Variants in SLC13A2 observed in about 807,000 individuals in gnomAD.
The protein encoded by SLC13A2 is Na(+)-coupled citrate transporter.
SLC13A2 carries 40 observed loss-of-function variants against 58.5 expected under a neutral mutation model. That is an observed-to-expected ratio of 0.68 (90% CI 0.53 to 0.89). SLC13A2 has a LOEUF of 0.89. SLC13A2 is among the 40% of genes least tolerant of loss of function. The pLI is 0.00. For synonymous variants in SLC13A2, 341 were observed against 331.6 expected (o/e 1.03, Z -0.31); for missense variants, 694 against 772.6 (o/e 0.90, Z 1.21).
In SLC13A2 at chr17:28,493,763, G is replaced by C; in HGVS notation, c.1071G>C (p.Leu357Phe). 6.2e-7 allele frequency: 1 copy of C among 1,614,198 alleles called. No homozygotes were observed. ...EPGFFLGWGN[L>F]AFPNAKGESM... ...GCTTTTTTCTTGGCTGGGGCAATTT[G>C]GCTTTTCCCAATGCCAAGGGGGAGA... is the stretch of plus-strand genomic sequence containing the variant. The change falls in exon 7 of 12, where the codon TTG (leucine) becomes TTC (phenylalanine). Residue 357 changes from leucine (L) to phenylalanine (F), a missense_variant. Transcript: ENST00000314669.
At chr17:28,474,055 C>A (rs1322532762) in intron 1 of SLC13A2, among the ~76,000 whole-genome samples, 2 of 152,124 alleles carry the variant, frequency 1.3e-5, no homozygotes, top group Non-Finnish European at 2.9e-5. Flanking sequence ...ACCTACTGCC[C>A]TAGGAAACAG....
chr17:28,482,234 G>GT (rs2068798650), intron 1 of SLC13A2, among the ~76,000 whole-genome samples: 1 of 151,296 alleles, frequency 6.6e-6, no homozygotes, highest in Non-Finnish European at 1.5e-5. Context: ...AGTACTTTTA[G>GT]TAGAGACAGT....
Position 28,493,909 on chromosome 17 carries a change from C to T in SLC13A2, c.1098-108C>T, listed in dbSNP as rs782013037. 4.8e-6 allele frequency: 7 copies of T among 1,467,638 alleles called. 1 individual carries two copies. In the South Asian group the frequency reaches 8.3e-5, roughly 17 times the overall value. The allele number at this position is 1,467,638 out of a possible 1,614,324, so 90.9% of individuals were successfully genotyped here. On this transcript the variant is annotated intron_variant, in intron 7 of 11. Transcript: ENST00000314669. ...TAACACTTGGTGGGGGATGAAGGTT[C>T]CCCAGGCTTGTCTATGGGAGAGGCT...
chr17:28,488,409 A>G (rs1404490847), intron 1 of SLC13A2, among the ~76,000 whole-genome samples: 1 of 152,110 alleles, frequency 6.6e-6, no homozygotes, highest in African/African-American at 2.4e-5. Context: ...CTCCTGGCTA[A>G]TGATTCCCCA....
chr17:28,491,918 G>A, intron 6 of SLC13A2, 66 bp downstream of exon 6: 2 of 1,563,538 alleles, frequency 1.3e-6, no homozygotes, highest in Non-Finnish European at 1.7e-6. Context: ...TTCCAGTTGG[G>A]TGCAGATGTG....
intron 2 of SLC13A2, 45 bp from the exon 3 acceptor site, chr17:28,490,409 G>A: frequency 6.2e-7 from 1 of 1,614,078 alleles, no homozygotes; most frequent in Non-Finnish European, 8.5e-7. Flanking sequence ...CACCGTGGGA[G>A]ACTCCAGGGT....
chr17:28,494,274 G>C lies in SLC13A2; in HGVS notation c.1187-117G>C. On this transcript the variant is annotated intron_variant, in intron 8 of 11. Coordinates refer to ENST00000314669, the MANE Select transcript of SLC13A2 (RefSeq NM_003984.4). The surrounding 1 kb of genome is among the most constrained non-coding windows in gnomAD (Gnocchi z 4.0). ...CAAAGTTGAGATGTTGCAGAACTGAGGGTCCCCTCCTGCACGCGTTAAGCT... is the reference window on the plus strand; with the variant it reads ...CAAAGTTGAGATGTTGCAGAACTGACGGTCCCCTCCTGCACGCGTTAAGCT... 1 of 1,571,244 alleles carries C rather than the reference G, an allele frequency of 6.4e-7. No homozygotes were observed. The highest frequency in any genetic ancestry group is 8.7e-7 in the Non-Finnish European group (1 of 1,144,006).
chr17:28,474,508 A>G (rs2068638806), intron 1 of SLC13A2, among the ~76,000 whole-genome samples: 2 of 152,204 alleles, frequency 1.3e-5, no homozygotes, highest in African/African-American at 2.4e-5. Context: ...CTAGGCACCC[A>G]GTAACCTTTT....
chr17:28,493,158 A>G (rs2069061828), intron 6 of SLC13A2, among the ~76,000 whole-genome samples: 1 of 152,168 alleles, frequency 6.6e-6, no homozygotes, highest in East Asian at 1.9e-4. Context: ...GCCTCTGAGG[A>G]CAATGCAGGT....
At chr17:28,488,938 T>C (rs2068944813) in intron 1 of SLC13A2, among the ~76,000 whole-genome samples, 1 of 152,230 alleles carries the variant, frequency 6.6e-6, no homozygotes, top group Admixed American at 6.5e-5. Context: ...CCCACTGGGC[T>C]GGATGGGGAC....
In SLC13A2 at chr17:28,490,280, G is replaced by C. The variant is rs782152989; in HGVS notation, c.232-174G>C. The C allele has an allele frequency of 1.1e-5, 17 of 1,568,776 alleles. No homozygotes were observed. In the South Asian group the frequency reaches 1.9e-4, roughly 17 times the overall value. ...CAGAGCCAGACCCTGTCTCCAAAAA[G>C]TTAAATTTATTTTTTTTAAATGGCA... On this transcript the variant is annotated intron_variant, in intron 2 of 11. Transcript: ENST00000314669.
Position 28,496,050 on chromosome 17 carries a change from G to A in SLC13A2, c.1470+234G>A, listed in dbSNP as rs1334936952. Among the ~76,000 whole-genome samples the A allele has an allele frequency of 6.6e-6, 1 of 151,998 alleles. No individual in the cohort carries two copies. The highest frequency in any genetic ancestry group is 1.5e-5 in the Non-Finnish European group (1 of 67,990). On this transcript the variant is annotated intron_variant, in intron 10 of 11. Coordinates refer to ENST00000314669, the MANE Select transcript of SLC13A2 (RefSeq NM_003984.4). The surrounding 1 kb of genome is among the most constrained non-coding windows in gnomAD (Gnocchi z 4.2). ...GTCACCCCTGGAGTATCCTGATGGG[G>A]ATCCTGGTGGCCTCACCCACCTCCC... is the stretch of plus-strand genomic sequence containing the variant.
chr17:28,494,132 G>A lies in SLC13A2; in HGVS notation c.1186+27G>A, dbSNP rs782755499. The A allele has an allele frequency of 6.2e-7, 1 of 1,600,538 alleles. No homozygotes were observed. On this transcript the variant is annotated intron_variant, in intron 8 of 11. Transcript: ENST00000314669. This position sits in a 1 kb window ranked among gnomAD's most constrained non-coding sequence, Gnocchi z 4.0. ...TAAGCACCTGGACTGGGGCAGGGAA[G>A]GGTCTCCGGGCAGCCCCTGCCTTCA...
chr17:28,490,394 G>T (rs782368951), intron 2 of SLC13A2, 60 bp from the exon 3 acceptor site: 1 of 1,613,974 alleles, frequency 6.2e-7, no homozygotes, highest in African/African-American at 1.3e-5. Context: ...CCATAACCTC[G>T]GGGGCACCGT....
In SLC13A2 at chr17:28,497,385, C is replaced by A. The variant is rs1403258533; in HGVS notation, c.*116C>A. 2.6e-6 allele frequency: 3 copies of A among 1,147,770 alleles called. No individual in the cohort carries two copies. Among genetic ancestry groups the A allele is most frequent in the Admixed American group, 2.3e-5 (1 of 42,556 alleles). The allele number at this position is 1,147,770 out of a possible 1,614,324, so 71.1% of individuals were successfully genotyped here. A position where few individuals can be genotyped will look rare whatever the true frequency, so the allele number is the denominator to read the frequency against. On this transcript the variant is annotated 3_prime_UTR_variant, in exon 12 of 12. Coordinates refer to ENST00000314669, the MANE Select transcript of SLC13A2 (RefSeq NM_003984.4). ...GCTCCAGGCCAAAGGCTGAAAGGCA[C>A]GTGTGTACATAATCTCTTGCGTGTC...
intron 10 of SLC13A2, 68 bp downstream of exon 10, chr17:28,495,884 G>T (rs1333286098): frequency 6.6e-7 from 1 of 1,524,248 alleles, no homozygotes; most frequent in Non-Finnish European, 8.9e-7. Context: ...GGTTCTGCCT[G>T]CTGGGCAGAG....
chr17:28,481,085 G>A (rs973439995), intron 1 of SLC13A2, among the ~76,000 whole-genome samples: 6 of 152,214 alleles, frequency 3.9e-5, no homozygotes, highest in Non-Finnish European at 7.3e-5. Context: ...CCAGGAATGG[G>A]AAAGTAAGTC....
At chr17:28,489,187 G>T in intron 1 of SLC13A2, 27 bp from the exon 2 acceptor site, 1 of 1,610,218 alleles carries the variant, frequency 6.2e-7, no homozygotes, top group East Asian at 2.2e-5. Context: ...CCCTCTGACA[G>T]CTCTGCCGCT....
In SLC13A2 at chr17:28,497,458, G is replaced by A; in HGVS notation, c.*189G>A. 1 of 629,006 alleles carries A rather than the reference G, an allele frequency of 1.6e-6. No homozygotes were observed. Among genetic ancestry groups the A allele is most frequent in the Admixed American group, 3.0e-5 (1 of 33,794 alleles). The allele number at this position is 629,006 out of a possible 1,614,324, so 39.0% of individuals were successfully genotyped here. A position where few individuals can be genotyped will look rare whatever the true frequency, so the allele number is the denominator to read the frequency against. On this transcript the variant is annotated 3_prime_UTR_variant, in exon 12 of 12. Transcript: ENST00000314669. ...AGTTTCCTATGTGCTGGAATAAAAGGTGTGTGCATGTGTGTGTGCGCATAT... is the reference window on the plus strand; with the variant it reads ...AGTTTCCTATGTGCTGGAATAAAAGATGTGTGCATGTGTGTGTGCGCATAT...
Sources: gnomAD v4.1 joint callset for allele counts (sites outside exome capture counted in the v4.1 genomes callset) on GRCh38, gnomAD v4.1.1 for gene constraint, Gnocchi (gnomAD v3.1) non-coding constraint, MANE v1.5 for transcripts, NCBI Gene and HGNC (gene_info 2026-07-23, HGNC 2026-07-21) for gene names.